ABCA9: variants seen among roughly 807,000 people sequenced by gnomAD.
ABCA9 encodes the protein ATP-binding cassette sub-family A member 9.
ABCA9 carries 183 observed loss-of-function variants against 205.3 expected under a neutral mutation model. The observed-to-expected ratio is 0.89, with a 90% confidence interval of 0.79 to 1.01. The LOEUF (loss-of-function observed/expected upper bound fraction) is 1.01. ABCA9 is among the 50% of genes least tolerant of loss of function. The probability of loss-of-function intolerance (pLI) is 0.00; values close to 1 mark genes in which losing one functional copy is unlikely to be tolerated. For missense variants in ABCA9, 1,805 were observed against 1,912.4 expected (o/e 0.94, Z 1.05); for synonymous variants, 651 against 683.3 (o/e 0.95, Z 0.74).
chr17:69,035,762 G>C lies in ABCA9; in HGVS notation c.840C>G (p.Ile280Met). 1 of 1,613,686 alleles carries C rather than the reference G, an allele frequency of 6.2e-7. No individual in the cohort carries two copies. The highest frequency in any genetic ancestry group is 8.5e-7 in the Non-Finnish European group (1 of 1,179,776). Residue 280 changes from isoleucine (I) to methionine (M), a missense_variant, in exon 7 of 39, where the codon ATC becomes ATG. Physicochemically the swap from Ile to Met is conservative, Grantham distance 10 (BLOSUM62 1). Transcript: ENST00000340001. ...WGLMYAGFIL[I>M]MATLMALIVK... Reference sequence around the variant, plus strand: ...CAATAAGAGCCATTAAAGTGGCCATGATAAGGATGAAGCCAGCATACATCA... The same window carrying C: ...CAATAAGAGCCATTAAAGTGGCCATCATAAGGATGAAGCCAGCATACATCA...
rs1237690730 is a variant in ABCA9 at position 68,982,546 on chromosome 17, A to G, written c.4720+16T>C. The G allele has an allele frequency of 6.2e-7, 1 of 1,603,834 alleles. No individual in the cohort carries two copies. The highest frequency in any genetic ancestry group is 8.5e-7 in the Non-Finnish European group (1 of 1,170,836). On this transcript the variant is annotated intron_variant, in intron 37 of 38. Coordinates refer to ENST00000340001, the MANE Select transcript of ABCA9 (RefSeq NM_080283.4). The stretch of plus-strand genomic sequence containing the variant: ...ATCTGTTTCCCAGAGTTTTGTCTCT[A>G]AACAGTCACTCTTACCTATCTCTAA...
intron 37 of ABCA9, among the ~76,000 whole-genome samples, chr17:68,979,037 C>G: frequency 6.6e-6 from 1 of 151,988 alleles, no homozygotes. Flanking sequence ...TCTAGAAAAC[C>G]CCATCGTCTC....
At chr17:68,982,957 G>T (rs573582232) in intron 36 of ABCA9, among the ~76,000 whole-genome samples, 57 of 152,288 alleles carry the variant, frequency 3.7e-4, no homozygotes, top group African/African-American at 1.4e-3. Flanking sequence ...AGTGAGCGGT[G>T]ATTGCACCAC....
chr17:68,988,916 T>G, intron 31 of ABCA9, 111 bp downstream of exon 31: 1 of 660,514 alleles, frequency 1.5e-6, no homozygotes, highest in Non-Finnish European at 2.6e-6. Flanking sequence ...TCTTCTTTAT[T>G]CAATGCATAA....
intron 17 of ABCA9, among the ~76,000 whole-genome samples, chr17:69,022,640 T>G (rs1456507940): frequency 6.6e-6 from 1 of 152,014 alleles, no homozygotes; most frequent in Admixed American, 6.6e-5. Flanking sequence ...AGGGCTGGGA[T>G]TACAGGCATG....
intron 17 of ABCA9, chr17:69,022,494 T>TTGTGTGTGTG (rs759682144): frequency 2.7e-5 from 4 of 147,322 alleles, no homozygotes; most frequent in African/African-American, 7.5e-5. Context: ...CTGGCTAATT[T>TTGTGTGTGTG]TGTGTGTGTG....
the ABCA9 span, among the ~76,000 whole-genome samples, chr17:69,067,222 A>G: frequency 6.6e-6 from 1 of 151,996 alleles, no homozygotes; most frequent in African/African-American, 2.4e-5. Context: ...ATAATTAAAT[A>G]TGATTTAATA....
chr17:69,000,120 CTTTAG>C (rs1215991785), intron 25 of ABCA9, among the ~76,000 whole-genome samples: 6 of 151,532 alleles, frequency 4.0e-5, no homozygotes, highest in Middle Eastern at 3.2e-3. Context: ...TGCAGAAGCT[CTTTAG>C]TTTAATTAGA....
intron 10 of ABCA9, 79 bp downstream of exon 10, chr17:69,032,029 T>C (rs1306684598): frequency 1.4e-5 from 20 of 1,407,788 alleles, no homozygotes; most frequent in Non-Finnish European, 1.9e-5. Flanking sequence ...AAGGCGATCT[T>C]TGCTCCTAGT....
At position 69,043,605 on chromosome 17, in the gene ABCA9, G is replaced by T. The variant is rs2071619341; in HGVS notation, c.684C>A (p.Phe228Leu). 6.2e-7 allele frequency: 1 copy of T among 1,613,134 alleles called. No individual in the cohort carries two copies. ...ATGTAGAAAAAGAAATAATGCAAAA[G>T]AAAATGAAAAAATCAGTTGCAACTC... ...QGGVATDFFI[F>L]FCIISFSTFI... The change falls in exon 6 of 39, where the codon TTC becomes TTA. Residue 228 changes from phenylalanine to leucine, a missense_variant. Transcript: ENST00000340001.
intron 2 of ABCA9, among the ~76,000 whole-genome samples, chr17:69,050,721 A>G (rs2071876061): frequency 6.6e-6 from 1 of 152,180 alleles, no homozygotes; most frequent in Non-Finnish European, 1.5e-5. Flanking sequence ...TGAGATTCAA[A>G]TGAGCTCAGC....
chr17:69,006,871 A>C (rs776906628), intron 25 of ABCA9, among the ~76,000 whole-genome samples: 2 of 152,202 alleles, frequency 1.3e-5, no homozygotes, highest in Non-Finnish European at 2.9e-5. Context: ...AGTTCACAGG[A>C]GGCAAGAGTA....
chr17:69,077,601 G>T, the ABCA9 span, among the ~76,000 whole-genome samples: 120,141 of 152,102 alleles, frequency 0.79, 50,767 homozygotes, highest in Non-Finnish European at 0.94. Flanking sequence ...TGTCAATGGG[G>T]TGTTGAAGTT....
At position 69,053,800 on chromosome 17, in the gene ABCA9, C is replaced by A. The variant is rs1469673421; in HGVS notation, c.-13-2661G>T. Among the ~76,000 whole-genome samples, 9 of 152,084 alleles carry A rather than the reference C, an allele frequency of 5.9e-5. No individual in the cohort carries two copies. The South Asian group carries it at 1.9e-3, about 32-fold the overall frequency. On this transcript the variant is annotated intron_variant, in intron 1 of 38. Transcript: ENST00000340001. Reference sequence around the variant, plus strand: ...AATGACTGAGAATTTCCCCAGATAACGGCTAGACACCCAACCTTAGATTCA... The same window carrying A: ...AATGACTGAGAATTTCCCCAGATAAAGGCTAGACACCCAACCTTAGATTCA...
At chr17:69,072,687 C>T in the ABCA9 span, among the ~76,000 whole-genome samples, 54 of 151,798 alleles carry the variant, frequency 3.6e-4, 1 homozygote, top group Admixed American at 2.3e-3. Flanking sequence ...GAAACTGCAT[C>T]AACTGATGGG....
the ABCA9 span, among the ~76,000 whole-genome samples, chr17:69,072,949 C>A: frequency 6.6e-6 from 1 of 152,050 alleles, no homozygotes; most frequent in African/African-American, 2.4e-5. Flanking sequence ...GGGTTGCAAT[C>A]CTAGTCTCTG....
At chr17:69,062,291 AT>A (rs1052254250), upstream of ABCA9, among the ~76,000 whole-genome samples, 22 of 151,950 alleles carry the variant, frequency 1.4e-4, no homozygotes, top group Admixed American at 9.8e-4. Context: ...AATTTAGGAA[AT>A]TTTTTTTCAG....
intron 37 of ABCA9, among the ~76,000 whole-genome samples, chr17:68,979,251 G>A (rs1478850235): frequency 6.6e-6 from 1 of 151,824 alleles, no homozygotes; most frequent in Admixed American, 6.6e-5. Flanking sequence ...TCTTCAAGGA[G>A]AACTACAAAC....
At chr17:69,019,322 T>G (rs927776476) in intron 19 of ABCA9, among the ~76,000 whole-genome samples, 1 of 152,208 alleles carries the variant, frequency 6.6e-6, no homozygotes, top group African/African-American at 2.4e-5. Context: ...ACTTCCTTAG[T>G]ATTCATAAAA....
Sources: gnomAD v4.1 joint callset for allele counts (sites outside exome capture counted in the v4.1 genomes callset) on GRCh38, gnomAD v4.1.1 for gene constraint, MANE v1.5 for transcripts, NCBI Gene and HGNC (gene_info 2026-07-23, HGNC 2026-07-21) for gene names.